COX15: variants seen among roughly 807,000 people sequenced by gnomAD.
COX15 encodes the protein cytochrome c oxidase assembly factor COX15.
COX15 carries 51 observed loss-of-function variants against 51.9 expected under a neutral mutation model. That is an observed-to-expected ratio of 0.98 (90% confidence interval 0.78 to 1.24). The LOEUF is 1.24. Among genes scored for constraint, COX15 ranks in the 50% most tolerant of loss-of-function variants. The probability of loss-of-function intolerance (pLI) is 0.00; values close to 1 mark genes in which losing one functional copy is unlikely to be tolerated. For synonymous variants in COX15, 188 were observed against 190.5 expected (o/e 0.99, Z 0.11); for missense variants, 420 against 501.1 (o/e 0.84, Z 1.55).
chr10:99,716,660 C>T (rs569076568), intron 7 of COX15, 199 bp from the exon 8 acceptor site: 8 of 529,936 alleles, frequency 1.5e-5, no homozygotes, highest in East Asian at 6.9e-5. Context: ...GCCACTTAAA[C>T]GTCGGTATCA....
chr10:99,707,610 C>G (rs758129536), downstream of COX15, among the ~76,000 whole-genome samples: 2 of 152,166 alleles, frequency 1.3e-5, no homozygotes, highest in East Asian at 1.9e-4. Context: ...ACCAACCACT[C>G]TTGTTAACAG....
chr10:99,696,257 A>G, the COX15 span: 2 of 1,058,386 alleles, frequency 1.9e-6, no homozygotes, highest in South Asian at 1.7e-5. Flanking sequence ...CCAATGGGGT[A>G]GCATCTCTTA....
the COX15 span, chr10:99,705,319 C>G: frequency 2.0e-5 from 3 of 153,242 alleles, no homozygotes; most frequent in Admixed American, 6.5e-5. Context: ...AAGGTTAGAA[C>G]CCCTTCTAAA....
At position 99,713,026 on chromosome 10, in the gene COX15, C is replaced by T; in HGVS notation, c.*1561G>A. The T allele has an allele frequency of 1.8e-6, 2 of 1,141,856 alleles. No homozygotes were observed. Among genetic ancestry groups the T allele is most frequent in the South Asian group, 4.1e-5 (2 of 48,654 alleles). The allele number at this position is 1,141,856 out of a possible 1,614,324, so 70.7% of individuals were successfully genotyped here. Reference sequence around the variant, plus strand: ...GGACTCATCATTCTGATCTCTTCTTCTGGATACACACTTAGTGGCCATCAA... The same window carrying T: ...GGACTCATCATTCTGATCTCTTCTTTTGGATACACACTTAGTGGCCATCAA... On this transcript the variant is annotated 3_prime_UTR_variant, in exon 9 of 9. Coordinates refer to ENST00000016171, the MANE Select transcript of COX15 (RefSeq NM_078470.6).
Position 99,713,762 on chromosome 10 carries a change from G to A in COX15, c.*825C>T. The A allele has an allele frequency of 2.1e-6, 1 of 473,618 alleles. No homozygotes were observed. The highest frequency in any genetic ancestry group is 2.2e-5 in the South Asian group (1 of 45,884). 29.3% of individuals were successfully genotyped at this position (473,618 alleles called of 1,614,324 possible). On this transcript the variant is annotated 3_prime_UTR_variant, in exon 9 of 9. Transcript: ENST00000016171. ...AGATGGGCGGATTACCTGAGGTCAG[G>A]AGTTCAAGACCAGCCCGGCCAATGT...
chr10:99,706,024 A>G (rs2036244217), downstream of COX15: 2 of 152,142 alleles, frequency 1.3e-5, no homozygotes, highest in South Asian at 4.1e-4. Context: ...CCTTTCCACG[A>G]ATATGCTCCC....
chr10:99,714,583 A>C lies in COX15; in HGVS notation c.*4T>G, dbSNP rs774848108. 3.1e-6 allele frequency: 5 copies of C among 1,614,096 alleles called. No individual in the cohort carries two copies. The highest frequency in any genetic ancestry group is 1.1e-5 in the South Asian group (1 of 91,084). ...ACAGTCCCAGGAGGCTGGTCCTCTA[A>C]GAATCATTTTGGGACTCTTCGGAGT... is the stretch of plus-strand genomic sequence containing the variant. On this transcript the variant is annotated 3_prime_UTR_variant, in exon 9 of 9. Transcript: ENST00000016171.
chr10:99,724,265 C>T, intron 4 of COX15, 142 bp from the exon 5 acceptor site: 1 of 906,990 alleles, frequency 1.1e-6, no homozygotes, highest in Non-Finnish European at 1.7e-6. Context: ...TCACTGCAAT[C>T]TCCGCCTCCC....
At chr10:99,731,924 C>G in intron 1 of COX15, 36 bp downstream of exon 1, 1 of 1,582,844 alleles carries the variant, frequency 6.3e-7, no homozygotes, top group Non-Finnish European at 8.6e-7. Context: ...ACTCCATCCC[C>G]GCTCCCGCGA....
chr10:99,713,184 T>A lies in COX15; in HGVS notation c.*1403A>T. On this transcript the variant is annotated 3_prime_UTR_variant, in exon 9 of 9. Coordinates refer to ENST00000016171, the MANE Select transcript of COX15 (RefSeq NM_078470.6). ...TGTTATCATATAATAACAACATGAATACTACTTGGTTCATATTGAACCTGA... is the reference window on the plus strand; with the variant it reads ...TGTTATCATATAATAACAACATGAAAACTACTTGGTTCATATTGAACCTGA... 1 of 1,376,856 alleles carries A rather than the reference T, an allele frequency of 7.3e-7. No individual in the cohort carries two copies. The highest frequency in any genetic ancestry group is 9.5e-7 in the Non-Finnish European group (1 of 1,058,010). 85.3% of individuals were successfully genotyped at this position (1,376,856 alleles called of 1,614,324 possible).
At chr10:99,695,351 G>A in the COX15 span, among the ~76,000 whole-genome samples, 12 of 152,060 alleles carry the variant, frequency 7.9e-5, no homozygotes, top group South Asian at 1.3e-3. Context: ...GGTGAAACCC[G>A]TCTCCACTAA....
chr10:99,700,042 C>G, the COX15 span, among the ~76,000 whole-genome samples: 2 of 152,120 alleles, frequency 1.3e-5, no homozygotes, highest in Non-Finnish European at 2.9e-5. Flanking sequence ...TGTGGGACAC[C>G]TGGTTTGTAT....
intron 7 of COX15, among the ~76,000 whole-genome samples, chr10:99,717,138 C>T (rs1474915332): frequency 2.0e-5 from 3 of 152,166 alleles, no homozygotes; most frequent in Non-Finnish European, 4.4e-5. Flanking sequence ...CATGCCTCAG[C>T]CCAGCCCCCG....
At chr10:99,714,842 C>T in intron 8 of COX15, 124 bp from the exon 9 acceptor site, 1 of 1,514,368 alleles carries the variant, frequency 6.6e-7, no homozygotes, top group Non-Finnish European at 8.9e-7. Flanking sequence ...AAAATACACA[C>T]ATTTTTAATT....
rs1478163175 is a variant in COX15 at position 99,712,876 on chromosome 10, TC to T, written c.*1710del. 6 of 441,608 alleles carry T rather than the reference TC, an allele frequency of 1.4e-5. No individual in the cohort carries two copies. The highest frequency in any genetic ancestry group is 1.8e-5 in the Non-Finnish European group (6 of 330,910). 27.4% of individuals were successfully genotyped at this position (441,608 alleles called of 1,614,324 possible). A position where few individuals can be genotyped will look rare whatever the true frequency, so the allele number is the denominator to read the frequency against. ...GCTCTGCAGCATAATGGAAGCTCAT[TC>T]CCTCTTCTGCATGAGACGGCTTCAA... On this transcript the variant is annotated 3_prime_UTR_variant, in exon 9 of 9. Transcript: ENST00000016171.
downstream of COX15, chr10:99,709,796 T>G: frequency 1.0e-6 from 1 of 985,384 alleles, no homozygotes; most frequent in Non-Finnish European, 1.2e-6. Context: ...ATTTCTCTTT[T>G]GCTCTAATAT....
In COX15 at chr10:99,712,790, C is replaced by A. The variant is rs763616218; in HGVS notation, c.*1797G>T. 2.2e-5 allele frequency: 7 copies of A among 320,206 alleles called. No individual in the cohort carries two copies. The highest frequency in any genetic ancestry group is 6.1e-5 in the Admixed American group (1 of 16,406). 19.8% of individuals were successfully genotyped at this position (320,206 alleles called of 1,614,324 possible). A position where few individuals can be genotyped will look rare whatever the true frequency, so the allele number is the denominator to read the frequency against. Reference sequence around the variant, plus strand: ...CCAGTGAGCATTTGATTTGGTCTACCCTACTCTTGCCTTCTACAGAACTAA... The same window carrying A: ...CCAGTGAGCATTTGATTTGGTCTACACTACTCTTGCCTTCTACAGAACTAA... On this transcript the variant is annotated 3_prime_UTR_variant, in exon 9 of 9. Coordinates refer to ENST00000016171, the MANE Select transcript of COX15 (RefSeq NM_078470.6).
Position 99,732,016 on chromosome 10 carries a change from A to G in COX15, c.34T>C (p.Leu12=), listed in dbSNP as rs2037175201. Residue 12 remains leucine, a synonymous_variant, in exon 1 of 9, where the codon TTG becomes CTG. Coordinates refer to ENST00000016171, the MANE Select transcript of COX15 (RefSeq NM_078470.6). ...QRLLFPPLRA[L]KGRQYLPLLA... The stretch of plus-strand genomic sequence containing the variant: ...AGCGGCAGATACTGCCTCCCCTTCA[A>G]GGCCCTCAACGGCGGAAAGAGCAAT... The G allele has an allele frequency of 1.9e-6, 3 of 1,613,220 alleles. No individual in the cohort carries two copies. In the South Asian group the frequency reaches 3.3e-5, roughly 18 times the overall value.
chr10:99,722,994 A>G (rs1465123687), intron 5 of COX15: 2 of 152,212 alleles, frequency 1.3e-5, no homozygotes, highest in Non-Finnish European at 2.9e-5. Context: ...ATGACTGCCA[A>G]GACAACACGT....
Sources: allele counts gnomAD v4.1 joint callset (sites outside exome capture counted in the v4.1 genomes callset), GRCh38; gene constraint gnomAD v4.1.1; transcripts MANE v1.5; gene names NCBI Gene and HGNC (gene_info 2026-07-23, HGNC 2026-07-21).